The following FRMD5 variants were observed in gnomAD, a reference collection of about 807,000 sequenced individuals.
FRMD5 encodes the protein FERM domain containing 5.
In FRMD5, 20 loss-of-function variants were observed where a neutral mutation model predicts 69.0. That is an observed-to-expected ratio of 0.29 (90% CI 0.20 to 0.42). The LOEUF (loss-of-function observed/expected upper bound fraction) is 0.42. Ranked by LOEUF, FRMD5 falls within the 10% of genes least tolerant of loss-of-function variation. FRMD5 has a pLI of 1.00. For synonymous variants in FRMD5, 271 were observed against 260.1 expected, an observed-to-expected ratio of 1.04 and a Z score of -0.40; for missense variants, 595 against 708.6, an observed-to-expected ratio of 0.84 and a Z score of 1.82.
At chr15:44,025,830 G>A (rs1268815219) in intron 1 of FRMD5, among the ~76,000 whole-genome samples, 1 of 152,098 alleles carries the variant, frequency 6.6e-6, no homozygotes, top group Non-Finnish European at 1.5e-5. Context: ...CGCCTTTCTG[G>A]GAATCAGCAA....
intron 1 of FRMD5, among the ~76,000 whole-genome samples, chr15:44,099,788 CTA>C (rs1465761190): frequency 6.6e-6 from 1 of 152,170 alleles, no homozygotes; most frequent in African/African-American, 2.4e-5. Context: ...AGCCACAACA[CTA>C]TCTCTGGCAC....
chr15:44,150,829 C>T (rs2140471079), intron 1 of FRMD5, among the ~76,000 whole-genome samples: 1 of 152,156 alleles, frequency 6.6e-6, no homozygotes, highest in East Asian at 1.9e-4. Context: ...CCGTGGCCCA[C>T]GTCTGTAATC....
chr15:43,929,017 C>A (rs1208037831), intron 1 of FRMD5, among the ~76,000 whole-genome samples: 1 of 152,216 alleles, frequency 6.6e-6, no homozygotes, highest in African/African-American at 2.4e-5. Flanking sequence ...TGAACCACAA[C>A]AGTGCCTATA....
rs948740298 is a variant in FRMD5 at position 44,157,448 on chromosome 15, T to C, written c.102+37505A>G. Among the ~76,000 whole-genome samples, 4 of 152,310 alleles carry C rather than the reference T, an allele frequency of 2.6e-5. No individual in the cohort carries two copies. In the East Asian group the frequency reaches 7.7e-4, roughly 29 times the overall value. On this transcript the variant is annotated intron_variant, in intron 1 of 13. Coordinates refer to ENST00000417257, the MANE Select transcript of FRMD5 (RefSeq NM_032892.5). The stretch of plus-strand genomic sequence containing the variant: ...AAAGCCTAATAGATGTCTAAATTAT[T>C]AGTACCACTGTAGTATCCTACAGGT...
intron 1 of FRMD5, among the ~76,000 whole-genome samples, chr15:44,001,598 A>C (rs1006037347): frequency 7.6e-6 from 1 of 131,738 alleles, no homozygotes; most frequent in African/African-American, 2.7e-5. Flanking sequence ...TAAGATAAAG[A>C]TCCAATTTTA....
chr15:44,022,916 AT>A (rs1891274711), intron 1 of FRMD5, among the ~76,000 whole-genome samples: 1 of 152,166 alleles, frequency 6.6e-6, no homozygotes, highest in African/African-American at 2.4e-5. Flanking sequence ...GGTTATATGC[AT>A]TTGTTACAGA....
chr15:43,883,920 C>T, intron 12 of FRMD5, 111 bp from the exon 13 acceptor site: 1 of 769,822 alleles, frequency 1.3e-6, no homozygotes, highest in Non-Finnish European at 2.3e-6. Context: ...AAGTCTTGGT[C>T]TCTCTCTTTT....
chr15:43,989,433 C>A, intron 1 of FRMD5: 1 of 791,466 alleles, frequency 1.3e-6, no homozygotes, highest in Non-Finnish European at 2.3e-6. Context: ...ACTGCTTTTG[C>A]CGATGATGAT....
intron 1 of FRMD5, among the ~76,000 whole-genome samples, chr15:44,187,102 G>A (rs781686700): frequency 1.6e-4 from 24 of 152,074 alleles, no homozygotes; most frequent in African/African-American, 3.9e-4. Context: ...TTCAAACATC[G>A]GCTAAATGTT....
intron 1 of FRMD5, among the ~76,000 whole-genome samples, chr15:44,136,212 CGGGGTTT>C (rs1566965059): frequency 5.7e-5 from 3 of 52,964 alleles, no homozygotes; most frequent in African/African-American, 1.0e-4. Context: ...TTGGTAGAGA[CGGGGTTT>C]CACCATGTTG....
chr15:44,196,732 TTC>T (rs71111844), upstream of FRMD5, among the ~76,000 whole-genome samples: 515 of 123,842 alleles, frequency 4.2e-3, 1 homozygote, highest in Non-Finnish European at 5.7e-3. Context: ...TTCTCTTTCA[TTC>T]TCTCTCTCTC....
chr15:44,176,904 T>C (rs1454729206), intron 1 of FRMD5, among the ~76,000 whole-genome samples: 1 of 150,830 alleles, frequency 6.6e-6, no homozygotes, highest in Non-Finnish European at 1.5e-5. Context: ...CTGCACATTG[T>C]GCACATGTAC....
chr15:43,919,630 C>T (rs2089457725), intron 3 of FRMD5, 93 bp from the exon 4 acceptor site: 2 of 1,457,030 alleles, frequency 1.4e-6, no homozygotes, highest in Admixed American at 1.7e-5. Context: ...CAGAAGAGAA[C>T]CCTCATATAT....
intron 1 of FRMD5, among the ~76,000 whole-genome samples, chr15:43,960,374 C>G (rs971537593): frequency 6.6e-6 from 1 of 152,220 alleles, no homozygotes; most frequent in Non-Finnish European, 1.5e-5. Flanking sequence ...CTCAGCCTCC[C>G]GAGTAGCTGG....
intron 1 of FRMD5, among the ~76,000 whole-genome samples, chr15:44,066,107 ACCTCCC>A (rs1893298929): frequency 6.6e-6 from 1 of 152,060 alleles, no homozygotes; most frequent in African/African-American, 2.4e-5. Context: ...TCTCAGTTTC[ACCTCCC>A]ACTGTCTACC....
intron 1 of FRMD5, among the ~76,000 whole-genome samples, chr15:43,930,000 G>T (rs901336264): frequency 6.6e-6 from 1 of 152,174 alleles, no homozygotes; most frequent in Non-Finnish European, 1.5e-5. Context: ...AGAAAAGTGT[G>T]AATTAATTTC....
chr15:44,116,855 G>A (rs1387123245), intron 1 of FRMD5, among the ~76,000 whole-genome samples: 1 of 152,096 alleles, frequency 6.6e-6, no homozygotes, highest in African/African-American at 2.4e-5. Context: ...GCTGAGGCGG[G>A]CGGATCACCT....
intron 1 of FRMD5, among the ~76,000 whole-genome samples, chr15:44,025,895 C>G (rs532133863): frequency 5.9e-5 from 9 of 152,182 alleles, no homozygotes; most frequent in Non-Finnish European, 1.0e-4. Flanking sequence ...CCAGGAAAAT[C>G]ACACCTTTTC....
At chr15:43,955,897 T>C (rs559638569) in intron 1 of FRMD5, among the ~76,000 whole-genome samples, 4 of 152,176 alleles carry the variant, frequency 2.6e-5, no homozygotes, top group African/African-American at 9.6e-5. Context: ...TGAGGATCCA[T>C]TTGGGGTTCT....
Sources: gnomAD v4.1 joint callset for allele counts (sites outside exome capture counted in the v4.1 genomes callset) on GRCh38, gnomAD v4.1.1 for gene constraint, MANE v1.5 for transcripts, NCBI Gene and HGNC (gene_info 2026-07-23, HGNC 2026-07-21) for gene names.